The following PALLD variants were observed in gnomAD, a reference collection of about 807,000 sequenced individuals.
PALLD encodes the protein palladin.
PALLD carries 61 observed loss-of-function variants against 123.5 expected under a neutral mutation model. The observed-to-expected ratio is 0.49, with a 90% CI of 0.40 to 0.61. PALLD has a LOEUF of 0.61. Among genes scored for constraint, PALLD ranks in the 20% least tolerant of loss-of-function variants. PALLD has a pLI of 0.00. For synonymous variants in PALLD, 465 were observed against 496.4 expected (o/e 0.94, Z 0.84); for missense variants, 1,273 against 1,377.0 (o/e 0.92, Z 1.20).
chr4:168,515,447 G>A (rs977479718), intron 2 of PALLD, among the ~76,000 whole-genome samples: 8 of 152,176 alleles, frequency 5.3e-5, no homozygotes, highest in South Asian at 2.1e-4. Context: ...GTTGACAGAC[G>A]TGTGGAGAGG....
chr4:168,799,960 G>A (rs1024641240), intron 10 of PALLD, among the ~76,000 whole-genome samples: 6 of 152,014 alleles, frequency 3.9e-5, no homozygotes, highest in Non-Finnish European at 5.9e-5. Flanking sequence ...TTACATGAGG[G>A]CCTATCACAC....
At chr4:168,588,831 C>T (rs1397677317) in intron 2 of PALLD, among the ~76,000 whole-genome samples, 1 of 150,360 alleles carries the variant, frequency 6.7e-6, no homozygotes, top group Non-Finnish European at 1.5e-5. Context: ...CGTGTTCAAT[C>T]TCTATCAGAA....
intron 2 of PALLD, chr4:168,631,592 C>G (rs1234431801): frequency 2.0e-6 from 2 of 985,202 alleles, no homozygotes; most frequent in Non-Finnish European, 2.4e-6. Context: ...TCCGCGCACA[C>G]GCGCCCCTCG....
chr4:168,853,874 C>T (rs766020772), intron 10 of PALLD, among the ~76,000 whole-genome samples: 1 of 152,120 alleles, frequency 6.6e-6, no homozygotes, highest in Non-Finnish European at 1.5e-5. Context: ...AGGCAGGACT[C>T]ATGATGGTTG....
intron 10 of PALLD, among the ~76,000 whole-genome samples, chr4:168,744,605 C>A (rs903224875): frequency 6.6e-6 from 1 of 152,154 alleles, no homozygotes; most frequent in African/African-American, 2.4e-5. Context: ...GGACAAGAGG[C>A]ATTAAGTGAT....
At chr4:168,679,428 GA>G (rs1781298107) in intron 3 of PALLD, among the ~76,000 whole-genome samples, 2 of 111,024 alleles carry the variant, frequency 1.8e-5, no homozygotes, top group African/African-American at 7.8e-5. Context: ...GTAGGGTATG[GA>G]TGTGTGGGGT....
chr4:168,898,687 T>C lies in PALLD; in HGVS notation c.2445T>C (p.Cys815=). ...AGGGAATGCCAGTAACTTTCACATG[T>C]AGAGTGGCTGGAAATCCAAAGCCAA... ...IFEGMPVTFT[C]RVAGNPKPKI... Residue 815 remains cysteine, a synonymous_variant, in exon 14 of 22, where the codon TGT becomes TGC. Transcript: ENST00000505667. The C allele has an allele frequency of 6.2e-7, 1 of 1,613,634 alleles. No homozygotes were observed. The highest frequency in any genetic ancestry group is 1.7e-5 in the Admixed American group (1 of 60,022).
intron 2 of PALLD, chr4:168,648,155 C>G (rs1189153895): frequency 6.6e-6 from 1 of 151,988 alleles, no homozygotes; most frequent in African/African-American, 2.4e-5. Flanking sequence ...CAGTTCTTAC[C>G]CAGCAATCCC....
At chr4:168,788,984 G>A (rs1737133298) in intron 10 of PALLD, among the ~76,000 whole-genome samples, 1 of 152,036 alleles carries the variant, frequency 6.6e-6, no homozygotes, top group Non-Finnish European at 1.5e-5. Context: ...CGCACCTTGA[G>A]AGGTAAACCA....
chr4:168,520,063 A>G (rs1340829487), intron 2 of PALLD, among the ~76,000 whole-genome samples: 2 of 152,140 alleles, frequency 1.3e-5, no homozygotes, highest in East Asian at 3.9e-4. Flanking sequence ...ACGGTGGCTC[A>G]TGCCTGTAAT....
At chr4:168,757,926 C>G (rs1732123214) in intron 10 of PALLD, among the ~76,000 whole-genome samples, 1 of 152,208 alleles carries the variant, frequency 6.6e-6, no homozygotes, top group African/African-American at 2.4e-5. Flanking sequence ...CAAAAATTAG[C>G]TGGGTGTGGT....
intron 2 of PALLD, among the ~76,000 whole-genome samples, chr4:168,627,840 A>G (rs1441190524): frequency 6.6e-6 from 1 of 152,228 alleles, no homozygotes; most frequent in East Asian, 1.9e-4. Flanking sequence ...AACAAAGGAA[A>G]TAGAATTGGC....
At chr4:168,898,411 G>C in intron 13 of PALLD, 82 bp from the exon 14 acceptor site, 1 of 848,496 alleles carries the variant, frequency 1.2e-6, no homozygotes, top group Non-Finnish European at 2.0e-6. Flanking sequence ...CTGTCTTCTA[G>C]GGCCTTATTG....
chr4:168,520,307 C>T (rs1165268807), intron 2 of PALLD, among the ~76,000 whole-genome samples: 3 of 120,204 alleles, frequency 2.5e-5, no homozygotes, highest in Non-Finnish European at 4.8e-5. Context: ...GGCTGGGTGA[C>T]AGAGCGAAGA....
At chr4:168,913,576 G>A (rs1359046325) in intron 15 of PALLD, among the ~76,000 whole-genome samples, 2 of 152,030 alleles carry the variant, frequency 1.3e-5, no homozygotes, top group African/African-American at 4.8e-5. Flanking sequence ...AGAGACTGAT[G>A]TCCTCCTGCT....
chr4:168,751,173 T>A (rs1471656983), intron 10 of PALLD, among the ~76,000 whole-genome samples: 2 of 151,920 alleles, frequency 1.3e-5, no homozygotes, highest in Non-Finnish European at 2.9e-5. Context: ...CCACCATGCC[T>A]GGCTAATTTT....
intron 10 of PALLD, among the ~76,000 whole-genome samples, chr4:168,816,610 C>A (rs975813393): frequency 4.6e-5 from 7 of 151,726 alleles, no homozygotes; most frequent in African/African-American, 1.7e-4. Flanking sequence ...TTAATACATA[C>A]CCTGCCATAG....
At chr4:168,578,391 TAGTG>T (rs1485317437) in intron 2 of PALLD, among the ~76,000 whole-genome samples, 3 of 152,034 alleles carry the variant, frequency 2.0e-5, no homozygotes, top group African/African-American at 7.3e-5. Flanking sequence ...GTCCTTGTGA[TAGTG>T]AGTGAGTTCT....
rs146180053 is a variant in PALLD at position 168,792,317 on chromosome 4, G to T, written c.1964+80394G>T. On this transcript the variant is annotated intron_variant, in intron 10 of 21. Coordinates refer to ENST00000505667, the MANE Select transcript of PALLD (RefSeq NM_001166108.2). ...TTAGAATAAGAATAGCCTCAGAACAGGGTTCCTTTAAAAAAAAATAGGAGA... is the reference window on the plus strand; with the variant it reads ...TTAGAATAAGAATAGCCTCAGAACATGGTTCCTTTAAAAAAAAATAGGAGA... 3.7e-4 allele frequency among the ~76,000 whole-genome samples: 55 copies of T among 148,392 alleles called. 1 individual carries two copies. The East Asian group carries it at 0.011, about 28-fold the overall frequency.
Sources: gnomAD v4.1 joint callset for allele counts (sites outside exome capture counted in the v4.1 genomes callset) on GRCh38, gnomAD v4.1.1 for gene constraint, MANE v1.5 for transcripts, NCBI Gene and HGNC (gene_info 2026-07-23, HGNC 2026-07-21) for gene names.